Variants in SAMMSON observed in about 807,000 individuals in gnomAD.
The protein encoded by SAMMSON is survival associated mitochondrial melanoma specific oncogenic non-coding RNA.
intron 7 of SAMMSON, among the ~76,000 whole-genome samples, chr3:70,325,359 C>T (rs1575626210): frequency 6.6e-6 from 1 of 152,216 alleles, no homozygotes; most frequent in African/African-American, 2.4e-5. Flanking sequence ...GTTCCAGTCA[C>T]CTCACCCATG....
chr3:70,026,741 A>C (rs141853220), intron 3 of SAMMSON, among the ~76,000 whole-genome samples: 1 of 152,208 alleles, frequency 6.6e-6, no homozygotes, highest in Non-Finnish European at 1.5e-5. Flanking sequence ...AGTTTACCAC[A>C]CTAAGTTTCT....
intron 2 of SAMMSON, among the ~76,000 whole-genome samples, chr3:70,415,655 C>A (rs1701258976): frequency 6.6e-6 from 1 of 152,132 alleles, no homozygotes; most frequent in Non-Finnish European, 1.5e-5. Flanking sequence ...CAGGTGAGGT[C>A]AATCTCCTAA....
chr3:70,159,561 A>T (rs1312156093), intron 4 of SAMMSON: 1 of 151,728 alleles, frequency 6.6e-6, no homozygotes, highest in Non-Finnish European at 1.5e-5. Context: ...AGTATTTATT[A>T]TTGTCTGACT....
chr3:70,205,134 T>C (rs1175231672), intron 4 of SAMMSON: 2 of 152,064 alleles, frequency 1.3e-5, no homozygotes, highest in Admixed American at 6.6e-5. Context: ...TAAATAAAAG[T>C]AATTATCAAC....
chr3:70,372,652 C>CT (rs1284542328), intron 9 of SAMMSON, among the ~76,000 whole-genome samples: 1 of 152,128 alleles, frequency 6.6e-6, no homozygotes, highest in Non-Finnish European at 1.5e-5. Context: ...GATGCTGGTA[C>CT]TTTTTGCATA....
intron 4 of SAMMSON, among the ~76,000 whole-genome samples, chr3:70,109,329 T>C (rs2067379444): frequency 6.6e-6 from 1 of 152,102 alleles, no homozygotes; most frequent in African/African-American, 2.4e-5. Flanking sequence ...GCTCTCCTCT[T>C]CTCTCAGTCA....
At chr3:70,279,566 T>C (rs988940425) in intron 6 of SAMMSON, among the ~76,000 whole-genome samples, 5 of 152,192 alleles carry the variant, frequency 3.3e-5, no homozygotes, top group Non-Finnish European at 7.3e-5. Flanking sequence ...TTCCTGGCAC[T>C]CTTGATGAGC....
rs375995182 is a variant in SAMMSON at position 70,370,042 on chromosome 3, C to A, written n.913+11718C>A. Among the ~76,000 whole-genome samples, 34 of 151,924 alleles carry A rather than the reference C, an allele frequency of 2.2e-4. No individual in the cohort carries two copies. The South Asian group carries it at 3.3e-3, about 15-fold the overall frequency. On this transcript the variant is annotated intron_variant and non_coding_transcript_variant, in intron 9 of 9. Transcript: ENST00000642114. ...ATCTCCGTAAGATAAACTTTTCTAG[C>A]CCCTACGTATGAGTGAGAACTCATA...
intron 3 of SAMMSON, among the ~76,000 whole-genome samples, chr3:70,039,636 C>T (rs1284744511): frequency 4.8e-5 from 7 of 145,340 alleles, no homozygotes; most frequent in African/African-American, 1.3e-4. Context: ...CACACACACA[C>T]ACACACACTT....
intron 2 of SAMMSON, among the ~76,000 whole-genome samples, chr3:70,433,867 T>C (rs1378479185): frequency 1.3e-5 from 2 of 152,192 alleles, no homozygotes; most frequent in Non-Finnish European, 2.9e-5. Context: ...TGGATGTAGA[T>C]AGTTGATAGT....
rs535852393 is a variant in SAMMSON, at chr3:70,231,035, A to G, written n.508-18072A>G. Among the ~76,000 whole-genome samples the G allele has an allele frequency of 2.0e-5, 3 of 152,310 alleles. 1 individual carries two copies. The South Asian group carries it at 6.2e-4, about 32-fold the overall frequency. The stretch of plus-strand genomic sequence containing the variant: ...CAGCCCTGGAACATCGTGTCTTACC[A>G]TCGCTCTGCATTTGCAACAAATGCT... On this transcript the variant is annotated intron_variant and non_coding_transcript_variant, in intron 4 of 9. Transcript: ENST00000642114.
At chr3:70,308,858 G>A (rs1400712137) in intron 7 of SAMMSON, among the ~76,000 whole-genome samples, 1 of 152,066 alleles carries the variant, frequency 6.6e-6, no homozygotes, top group East Asian at 1.9e-4. Flanking sequence ...ATCAAGCAGT[G>A]CACTCAGTGC....
intron 3 of SAMMSON, among the ~76,000 whole-genome samples, chr3:70,038,200 A>G (rs1042598206): frequency 6.6e-6 from 1 of 152,194 alleles, no homozygotes; most frequent in African/African-American, 2.4e-5. Flanking sequence ...GGGTATAATG[A>G]CAGGCATTTG....
intron 7 of SAMMSON, among the ~76,000 whole-genome samples, chr3:70,315,402 C>G (rs947474369): frequency 6.6e-6 from 1 of 152,068 alleles, no homozygotes; most frequent in African/African-American, 2.4e-5. Context: ...CAAAGTTAGA[C>G]AAACTTACTT....
At chr3:70,235,400 A>G (rs1232272221) in intron 4 of SAMMSON, among the ~76,000 whole-genome samples, 5 of 152,156 alleles carry the variant, frequency 3.3e-5, no homozygotes, top group African/African-American at 1.2e-4. Flanking sequence ...ATCCCTCACA[A>G]TTGGCTTCCG....
intron 4 of SAMMSON, among the ~76,000 whole-genome samples, chr3:70,091,874 A>G (rs981052426): frequency 1.4e-5 from 2 of 143,412 alleles, no homozygotes; most frequent in Non-Finnish European, 3.0e-5. Context: ...ATAATATTAT[A>G]ATCTCAAATA....
chr3:70,072,571 A>G (rs2067234033), intron 4 of SAMMSON: 1 of 151,408 alleles, frequency 6.6e-6, no homozygotes, highest in South Asian at 2.1e-4. Context: ...GAATAAAGAT[A>G]AAAATTGCTG....
At chr3:70,253,148 T>C (rs907624160) in intron 6 of SAMMSON, among the ~76,000 whole-genome samples, 9 of 152,214 alleles carry the variant, frequency 5.9e-5, no homozygotes, top group Middle Eastern at 3.4e-3. Context: ...TGATAAGTGC[T>C]AAAGAGAAAA....
intron 4 of SAMMSON, among the ~76,000 whole-genome samples, chr3:70,147,189 C>T (rs2067552458): frequency 6.6e-6 from 1 of 151,932 alleles, no homozygotes; most frequent in Non-Finnish European, 1.5e-5. Flanking sequence ...AATGGAGCTA[C>T]ATCTGGTGTT....
Sources: gnomAD v4.1 joint callset for allele counts (sites outside exome capture counted in the v4.1 genomes callset) on GRCh38, gnomAD v4.1.1 for gene constraint, MANE v1.5 for transcripts, NCBI Gene and HGNC (gene_info 2026-07-23, HGNC 2026-07-21) for gene names.